The following SLC2A9 variants were observed in gnomAD, a reference collection of about 807,000 sequenced individuals.
SLC2A9 encodes the protein solute carrier family 2, facilitated glucose transporter member 9.
A neutral mutation model predicts 50.6 loss-of-function variants in SLC2A9; 39 were observed. The observed-to-expected ratio is 0.77, with a 90% CI of 0.60 to 1.01. The LOEUF (loss-of-function observed/expected upper bound fraction) is 1.01, where lower values mean the gene tolerates loss of function less well. Ranked by LOEUF, SLC2A9 falls within the 50% of genes least tolerant of loss-of-function variation. The pLI is 0.00. For synonymous variants in SLC2A9, 324 were observed against 276.9 expected, an observed-to-expected ratio of 1.17 and a Z score of -1.69; for missense variants, 686 against 677.6, an observed-to-expected ratio of 1.01 and a Z score of -0.14.
chr4:10,019,887 A>G (rs1029210846), intron 1 of SLC2A9, among the ~76,000 whole-genome samples: 8 of 152,240 alleles, frequency 5.3e-5, no homozygotes, highest in Admixed American at 2.0e-4. Context: ...CATAGGGCAG[A>G]AACACCTGGA....
intron 3 of SLC2A9, among the ~76,000 whole-genome samples, chr4:9,817,308 A>G (rs1457434290): frequency 2.0e-5 from 3 of 152,232 alleles, no homozygotes; most frequent in Non-Finnish European, 4.4e-5. Context: ...AGGGGCCATG[A>G]TGCTGCCTGA....
chr4:10,039,376 C>T (rs529598709), intron 1 of SLC2A9, among the ~76,000 whole-genome samples: 6 of 152,220 alleles, frequency 3.9e-5, no homozygotes, highest in Middle Eastern at 3.4e-3. Flanking sequence ...CAAGATGGGA[C>T]GTGAAGGGCC....
At chr4:9,851,254 T>A (rs1192218146) in intron 10 of SLC2A9, among the ~76,000 whole-genome samples, 2 of 152,028 alleles carry the variant, frequency 1.3e-5, no homozygotes, top group East Asian at 1.9e-4. Flanking sequence ...AGAGAACAAA[T>A]CTAGGGGCCC....
intron 11 of SLC2A9, among the ~76,000 whole-genome samples, chr4:9,828,916 G>C (rs59574200): frequency 6.6e-6 from 1 of 151,994 alleles, no homozygotes; most frequent in Non-Finnish European, 1.5e-5. Context: ...TACAGTAGAT[G>C]CTCTGAGTAT....
At chr4:9,925,517 C>T (rs1210245641) in intron 6 of SLC2A9, among the ~76,000 whole-genome samples, 1 of 152,174 alleles carries the variant, frequency 6.6e-6, no homozygotes, top group African/African-American at 2.4e-5. Context: ...TAAAAGACCC[C>T]AGACTAGTTA....
At chr4:9,896,094 T>C (rs997350071) in intron 8 of SLC2A9, among the ~76,000 whole-genome samples, 1 of 152,230 alleles carries the variant, frequency 6.6e-6, no homozygotes, top group African/African-American at 2.4e-5. Context: ...TCATGTAGAC[T>C]TGTGCATTGA....
At chr4:9,799,605 C>T (rs1410390284) in intron 3 of SLC2A9, among the ~76,000 whole-genome samples, 1 of 151,962 alleles carries the variant, frequency 6.6e-6, no homozygotes, top group African/African-American at 2.4e-5. Context: ...ATAGTAATCT[C>T]CATCCTCTGA....
chr4:9,887,545 T>C lies in SLC2A9; in HGVS notation c.1291+22A>G, dbSNP rs1483876623. ...TGCCATGAGTCCCTGGGCGGGGCAGTGGGGAGGGTGGGGTGCCTTACCTGG... is the reference window on the plus strand; with the variant it reads ...TGCCATGAGTCCCTGGGCGGGGCAGCGGGGAGGGTGGGGTGCCTTACCTGG... On this transcript the variant is annotated intron_variant, in intron 10 of 11. Coordinates refer to ENST00000264784, the MANE Select transcript of SLC2A9 (RefSeq NM_020041.3). 1.9e-6 allele frequency: 3 copies of C among 1,543,608 alleles called. No homozygotes were observed. The Admixed American group carries it at 5.8e-5, about 30-fold the overall frequency.
chr4:9,874,976 A>T (rs1434440665), intron 10 of SLC2A9, among the ~76,000 whole-genome samples: 2 of 140,372 alleles, frequency 1.4e-5, no homozygotes, highest in African/African-American at 5.4e-5. Flanking sequence ...GTGTCTTTAG[A>T]AATGGCCATA....
At chr4:10,025,745 A>G, upstream of SLC2A9, 1 of 660,658 alleles carries the variant, frequency 1.5e-6, no homozygotes, top group Non-Finnish European at 2.7e-6. Flanking sequence ...TACAATCCCC[A>G]TGGCTCCTTC....
intron 10 of SLC2A9, among the ~76,000 whole-genome samples, chr4:9,855,637 A>C (rs1288125126): frequency 1.3e-5 from 2 of 152,200 alleles, no homozygotes; most frequent in Non-Finnish European, 2.9e-5. Context: ...TATAAAACCC[A>C]AAAAGAGCCC....
intron 5 of SLC2A9, among the ~76,000 whole-genome samples, chr4:9,951,836 AG>A (rs1750327316): frequency 6.6e-6 from 1 of 152,106 alleles, no homozygotes; most frequent in South Asian, 2.1e-4. Context: ...TAAAATTGTC[AG>A]AAAAGGACAG....
chr4:9,782,508 T>C, intron 3 of SLC2A9: 1 of 1,614,020 alleles, frequency 6.2e-7, no homozygotes, highest in East Asian at 2.2e-5. Context: ...GCCTTGGTCA[T>C]GGTCGGCCTG....
chr4:10,032,127 C>A (rs1455706149), intron 1 of SLC2A9, among the ~76,000 whole-genome samples: 1 of 152,166 alleles, frequency 6.6e-6, no homozygotes, highest in Non-Finnish European at 1.5e-5. Context: ...GCTCCTCACA[C>A]CAAGTGGGGC....
At chr4:9,950,442 T>C (rs1257688069) in intron 5 of SLC2A9, among the ~76,000 whole-genome samples, 1 of 152,240 alleles carries the variant, frequency 6.6e-6, no homozygotes, top group Admixed American at 6.5e-5. Flanking sequence ...TTTTCTATTT[T>C]TCAAAGGGTT....
Position 9,853,137 on chromosome 4 carries a change from C to A in SLC2A9, c.1292-18129G>T, listed in dbSNP as rs543168040. Among the ~76,000 whole-genome samples, 4 of 147,624 alleles carry A rather than the reference C, an allele frequency of 2.7e-5. No individual in the cohort carries two copies. The East Asian group carries it at 7.9e-4, about 29-fold the overall frequency. ...ATTGCAGTGAGCCGAGATTGTGCCA[C>A]TGCACTCCAGCCTGGGCAACAGAGT... On this transcript the variant is annotated intron_variant, in intron 10 of 11. Transcript: ENST00000264784.
Position 10,015,281 on chromosome 4 carries a change from T to C in SLC2A9, c.249+3694A>G, listed in dbSNP as rs1578347410. Among the ~76,000 whole-genome samples, 3 of 152,204 alleles carry C rather than the reference T, an allele frequency of 2.0e-5. No homozygotes were observed. The South Asian group carries it at 6.2e-4, about 32-fold the overall frequency. ...CAAACTCCCCCCATGGCTGGACTGT[T>C]GGCGCCTGCCATTAGTGGTCAGGGG... On this transcript the variant is annotated intron_variant, in intron 2 of 11. Coordinates refer to ENST00000264784, the MANE Select transcript of SLC2A9 (RefSeq NM_020041.3).
intron 6 of SLC2A9, among the ~76,000 whole-genome samples, chr4:9,931,498 T>C (rs1745910616): frequency 6.6e-6 from 1 of 152,178 alleles, no homozygotes; most frequent in Non-Finnish European, 1.5e-5. Context: ...GTACCTACTG[T>C]ATGCCAGGCT....
intron 3 of SLC2A9, among the ~76,000 whole-genome samples, chr4:9,802,833 G>A (rs1721632937): frequency 6.6e-6 from 1 of 152,050 alleles, no homozygotes; most frequent in Admixed American, 6.6e-5. Context: ...CAAAGTGCTG[G>A]GATTACAGGC....
Sources: gnomAD v4.1 joint callset for allele counts (sites outside exome capture counted in the v4.1 genomes callset) on GRCh38, gnomAD v4.1.1 for gene constraint, MANE v1.5 for transcripts, NCBI Gene and HGNC (gene_info 2026-07-23, HGNC 2026-07-21) for gene names.